LRRC49: variants seen among roughly 807,000 people sequenced by gnomAD.
The protein encoded by LRRC49 is leucine-rich repeat-containing protein 49.
Under a neutral mutation model 83.3 loss-of-function variants are expected in LRRC49, and 50 were observed. The observed-to-expected ratio is 0.60, with a 90% confidence interval of 0.48 to 0.76. The LOEUF (loss-of-function observed/expected upper bound fraction) is 0.76. LRRC49 is among the 30% of genes least tolerant of loss of function. The pLI, the probability that LRRC49 is intolerant of heterozygous loss-of-function variation, is 0.00. For missense variants in LRRC49, 704 were observed against 809.1 expected (o/e 0.87, Z 1.58); for synonymous variants, 286 against 283.3 (o/e 1.01, Z -0.10).
At chr15:70,920,733 G>A (rs1181701586) in intron 7 of LRRC49, among the ~76,000 whole-genome samples, 1 of 152,112 alleles carries the variant, frequency 6.6e-6, no homozygotes, top group African/African-American at 2.4e-5. Context: ...TATGGAAGAG[G>A]AAATTGTATT....
rs201509714 is a variant in LRRC49, at chr15:70,984,143, A to G, written c.1055A>G (p.Gln352Arg). ...AACGTAGCTCGACAGTGGGACTTGC[A>G]ACAACAACGAGTAGCCAATATTGCT... ...INNVARQWDL[Q>R]QQRVANIATN... The change falls in exon 11 of 16, where the codon CAA (glutamine) becomes CGA (arginine). Residue 352 changes from glutamine to arginine, a missense_variant. Gln to Arg is a conservative substitution (Grantham distance 43, BLOSUM62 1). Transcript: ENST00000260382. The G allele has an allele frequency of 2.6e-5, 12 of 463,634 alleles. No homozygotes were observed. In the Admixed American group the frequency reaches 6.8e-4, roughly 26 times the overall value. The allele number at this position is 463,634 out of a possible 1,614,324, so 28.7% of individuals were successfully genotyped here. A position where few individuals can be genotyped will look rare whatever the true frequency, so the allele number is the denominator to read the frequency against.
At chr15:70,973,404 A>G (rs916904975) in intron 9 of LRRC49, among the ~76,000 whole-genome samples, 2 of 152,174 alleles carry the variant, frequency 1.3e-5, no homozygotes, top group Admixed American at 6.5e-5. Flanking sequence ...GCTCTCCTGT[A>G]TGAAGTGTCT....
intron 15 of LRRC49, among the ~76,000 whole-genome samples, chr15:71,040,112 A>C (rs1233944583): frequency 6.6e-6 from 1 of 152,260 alleles, no homozygotes; most frequent in Non-Finnish European, 1.5e-5. Flanking sequence ...GGAAGATTCA[A>C]TATTAGTGAA....
chr15:70,859,009 C>T (rs1205905840), intron 1 of LRRC49: 9 of 1,037,478 alleles, frequency 8.7e-6, no homozygotes, highest in Admixed American at 5.1e-5. Flanking sequence ...AGGCCCTCAA[C>T]AACAAGTTTG....
intron 11 of LRRC49, among the ~76,000 whole-genome samples, chr15:70,984,862 G>A (rs2037543449): frequency 6.7e-6 from 1 of 148,730 alleles, no homozygotes; most frequent in African/African-American, 2.5e-5. Flanking sequence ...TCCCACCTAT[G>A]AGTGAGAATA....
chr15:70,885,590 T>C (rs181254295), intron 2 of LRRC49, among the ~76,000 whole-genome samples: 3 of 152,334 alleles, frequency 2.0e-5, no homozygotes, highest in Admixed American at 6.5e-5. Flanking sequence ...ACAGATGTAC[T>C]ATGCAAACAC....
At chr15:70,907,779 C>A (rs933114734) in intron 5 of LRRC49, 6 of 357,468 alleles carry the variant, frequency 1.7e-5, no homozygotes, top group African/African-American at 1.3e-4. Context: ...GATGGGTGAG[C>A]CTCATCTTTT....
chr15:70,954,465 G>A (rs1338967194), intron 8 of LRRC49, among the ~76,000 whole-genome samples: 1 of 152,098 alleles, frequency 6.6e-6, no homozygotes, highest in African/African-American at 2.4e-5. Flanking sequence ...TCCACTACTG[G>A]GGAGCTAGTG....
At chr15:70,933,170 T>C (rs944645447) in intron 7 of LRRC49, among the ~76,000 whole-genome samples, 1 of 152,164 alleles carries the variant, frequency 6.6e-6, no homozygotes, top group Non-Finnish European at 1.5e-5. Flanking sequence ...TGGTAAATAA[T>C]TTTTTCTATT....
chr15:70,940,497 C>G (rs1445030652), intron 8 of LRRC49, among the ~76,000 whole-genome samples: 3 of 151,192 alleles, frequency 2.0e-5, no homozygotes, highest in African/African-American at 7.4e-5. Context: ...CCCGCCTTGG[C>G]CTCCCAAAGT....
chr15:70,911,500 C>T (rs370543222), intron 5 of LRRC49, 32 bp from the exon 6 acceptor site: 26 of 1,233,284 alleles, frequency 2.1e-5, no homozygotes, highest in Middle Eastern at 1.9e-4. Context: ...GTGATACATC[C>T]GTATTTCTAT....
chr15:71,004,664 G>C (rs28736591), intron 11 of LRRC49, among the ~76,000 whole-genome samples: 3 of 146,978 alleles, frequency 2.0e-5, no homozygotes, highest in African/African-American at 5.1e-5. Context: ...AAAAAAAAAA[G>C]AAAGAAAGAG....
chr15:70,855,992 T>G (rs527371628), intron 1 of LRRC49, among the ~76,000 whole-genome samples: 13 of 152,300 alleles, frequency 8.5e-5, no homozygotes, highest in Admixed American at 6.5e-4. Context: ...ATACCCATTA[T>G]CTATCTCATT....
At chr15:70,973,919 G>C (rs1393813643) in intron 9 of LRRC49, among the ~76,000 whole-genome samples, 1 of 152,056 alleles carries the variant, frequency 6.6e-6, no homozygotes, top group Non-Finnish European at 1.5e-5. Flanking sequence ...ACAAGGTCAG[G>C]AGATTGAGAC....
intron 15 of LRRC49, among the ~76,000 whole-genome samples, chr15:71,046,032 T>C (rs372994836): frequency 2.0e-5 from 3 of 152,228 alleles, no homozygotes; most frequent in Non-Finnish European, 4.4e-5. Flanking sequence ...TTTCACTCTT[T>C]GTTATGGCTA....
At chr15:71,042,247 C>T (rs1417665179) in intron 15 of LRRC49, among the ~76,000 whole-genome samples, 2 of 152,072 alleles carry the variant, frequency 1.3e-5, no homozygotes, top group Non-Finnish European at 2.9e-5. Context: ...CCTTGTCCTT[C>T]CAAGTAGCTG....
chr15:70,862,405 C>T (rs1381657486), intron 1 of LRRC49, among the ~76,000 whole-genome samples: 2 of 151,720 alleles, frequency 1.3e-5, no homozygotes, highest in Non-Finnish European at 2.9e-5. Flanking sequence ...CGTGAAACCC[C>T]GTCTCTACTA....
chr15:71,017,362 C>A (rs1422918584), intron 14 of LRRC49, among the ~76,000 whole-genome samples: 1 of 152,122 alleles, frequency 6.6e-6, no homozygotes, highest in East Asian at 1.9e-4. Flanking sequence ...TATACTTTCT[C>A]ATACTTCCTG....
At position 71,002,155 on chromosome 15, in the gene LRRC49, G is replaced by A. The variant is rs2038281373; in HGVS notation, c.1170-6224G>A. On this transcript the variant is annotated intron_variant, in intron 11 of 15. Coordinates refer to ENST00000260382, the MANE Select transcript of LRRC49 (RefSeq NM_017691.5). ...TTCTGAACATAAAAAGCTAGTCAGA[G>A]GGCCGCAAAGTTTCTTACCTAGTGT... 2.0e-5 allele frequency among the ~76,000 whole-genome samples: 3 copies of A among 152,194 alleles called. No individual in the cohort carries two copies. The South Asian group carries it at 6.2e-4, about 31-fold the overall frequency.
Sources: allele counts gnomAD v4.1 joint callset (sites outside exome capture counted in the v4.1 genomes callset), GRCh38; gene constraint gnomAD v4.1.1; transcripts MANE v1.5; gene names NCBI Gene and HGNC (gene_info 2026-07-23, HGNC 2026-07-21).